USP54: variants seen among roughly 807,000 people sequenced by gnomAD.
USP54 encodes the protein ubiquitin specific peptidase 54.
A neutral mutation model predicts 170.5 loss-of-function variants in USP54; 87 were observed. The observed-to-expected ratio is 0.51, with a 90% CI of 0.43 to 0.61. The LOEUF is 0.61. Ranked by LOEUF, USP54 falls within the 20% of genes least tolerant of loss-of-function variation. The pLI, the probability that USP54 is intolerant of heterozygous loss-of-function variation, is 0.00. For synonymous variants in USP54, 655 were observed against 742.8 expected (o/e 0.88, Z 1.92); for missense variants, 1,786 against 2,047.8 (o/e 0.87, Z 2.47).
At chr10:73,575,484 T>C in intron 3 of USP54, 28 bp downstream of exon 3, 1 of 1,566,702 alleles carries the variant, frequency 6.4e-7, no homozygotes, top group South Asian at 1.2e-5. Flanking sequence ...AAGTCAAAGT[T>C]CACCAAAAAT....
chr10:73,594,134 G>C (rs963944979), upstream of USP54, among the ~76,000 whole-genome samples: 56 of 151,484 alleles, frequency 3.7e-4, no homozygotes, highest in African/African-American at 1.3e-3. Context: ...GCAGTGACAC[G>C]ATCTCGGTTC....
intron 1 of USP54, among the ~76,000 whole-genome samples, chr10:73,603,696 C>T (rs982000251): frequency 1.3e-5 from 2 of 150,432 alleles, no homozygotes; most frequent in Non-Finnish European, 3.0e-5. Context: ...GGCAGTGAGC[C>T]GAGATCACAC....
intron 1 of USP54, among the ~76,000 whole-genome samples, chr10:73,602,148 C>A (rs1235482942): frequency 2.0e-5 from 3 of 152,212 alleles, no homozygotes; most frequent in African/African-American, 4.8e-5. Context: ...CTCAGGTTTG[C>A]CCTCAGTTTT....
At chr10:73,610,085 T>G (rs1348609948) in intron 1 of USP54, among the ~76,000 whole-genome samples, 7 of 137,766 alleles carry the variant, frequency 5.1e-5, no homozygotes, top group Non-Finnish European at 3.2e-5. Context: ...GGCTGAGGCA[T>G]GAGAATCACT....
chr10:73,592,460 G>C (rs2078342769), upstream of USP54, among the ~76,000 whole-genome samples: 2 of 145,168 alleles, frequency 1.4e-5, no homozygotes, highest in South Asian at 4.3e-4. Flanking sequence ...TTGGCCACAA[G>C]GAAAGTGCCA....
chr10:73,533,555 A>T, intron 12 of USP54, among the ~76,000 whole-genome samples: 1 of 150,934 alleles, frequency 6.6e-6, no homozygotes, highest in African/African-American at 2.4e-5. Context: ...TGATATTTAA[A>T]AAAAAAAAAA....
At chr10:73,619,863 C>T (rs2080947194) in intron 1 of USP54, among the ~76,000 whole-genome samples, 1 of 150,516 alleles carries the variant, frequency 6.6e-6, no homozygotes, top group Admixed American at 6.6e-5. Flanking sequence ...AGCCTCTTGA[C>T]AAAACTGGTT....
At chr10:73,518,369 T>G (rs1304644315) in intron 19 of USP54, 1 of 400,624 alleles carries the variant, frequency 2.5e-6, no homozygotes, top group Non-Finnish European at 3.4e-6. Flanking sequence ...CTCTTGAGAT[T>G]TAGGAGTAGG....
intron 17 of USP54, among the ~76,000 whole-genome samples, 175 bp from the exon 18 acceptor site, chr10:73,521,202 T>G (rs945532001): frequency 1.3e-5 from 2 of 152,248 alleles, no homozygotes; most frequent in South Asian, 4.1e-4. Flanking sequence ...CCATTTTGCC[T>G]TAACCAAGAT....
Position 73,575,617 on chromosome 10 carries a change from A to C in USP54, c.42T>G (p.Ser14Arg). Residue 14 changes from serine to arginine, a missense_variant, in exon 3 of 24, where the codon AGT (serine) becomes AGG (arginine). This residue lies in a region of USP54 where 361 missense variants were observed against 455.0 expected (regional missense o/e 0.79). Transcript: ENST00000687698. The part of the protein sequence containing the change: ...KRNYFSGGRG[S>R]VQGMFAPRSS... ...TTCGAGGTGCAAACATCCCTTGTACACTACCACGACCCCCTGAAAAATAAT... is the reference window on the plus strand; with the variant it reads ...TTCGAGGTGCAAACATCCCTTGTACCCTACCACGACCCCCTGAAAAATAAT... 2 of 1,612,568 alleles carry C rather than the reference A, an allele frequency of 1.2e-6. No individual in the cohort carries two copies. The highest frequency in any genetic ancestry group is 1.7e-6 in the Non-Finnish European group (2 of 1,179,344).
At chr10:73,591,000 A>ATTT (rs201118539) in intron 1 of USP54, among the ~76,000 whole-genome samples, 43 of 150,086 alleles carry the variant, frequency 2.9e-4, no homozygotes, top group South Asian at 1.7e-3. Context: ...AAAATCTATG[A>ATTT]ATTTTTTTTT....
intron 15 of USP54, among the ~76,000 whole-genome samples, chr10:73,527,926 G>GT (rs1433698220): frequency 6.6e-6 from 1 of 150,694 alleles, no homozygotes; most frequent in African/African-American, 2.4e-5. Context: ...TATTACATAA[G>GT]TTTTAATTCA....
chr10:73,542,730 CAAAAAA>C, intron 7 of USP54, 67 bp downstream of exon 7: 1 of 1,191,320 alleles, frequency 8.4e-7, no homozygotes, highest in South Asian at 1.4e-5. Context: ...GACTCTGTCT[CAAAAAA>C]AAAAAAAAAA....
chr10:73,562,774 A>G (rs1417699353), intron 4 of USP54, among the ~76,000 whole-genome samples: 2 of 152,212 alleles, frequency 1.3e-5, no homozygotes, highest in African/African-American at 2.4e-5. Flanking sequence ...CTTCTGGCAC[A>G]TTATGTATCA....
At chr10:73,577,988 A>G (rs1374761873) in intron 1 of USP54, among the ~76,000 whole-genome samples, 1 of 152,190 alleles carries the variant, frequency 6.6e-6, no homozygotes, top group Non-Finnish European at 1.5e-5. Context: ...CTTTGCTCAC[A>G]GCCAAAAGGA....
chr10:73,592,883 T>C (rs191939641), upstream of USP54, among the ~76,000 whole-genome samples: 1 of 152,336 alleles, frequency 6.6e-6, no homozygotes, highest in Admixed American at 6.5e-5. Context: ...AACTCTGCTA[T>C]GATACTCACA....
chr10:73,548,847 C>T (rs1442579130), intron 4 of USP54, among the ~76,000 whole-genome samples: 1 of 152,126 alleles, frequency 6.6e-6, no homozygotes, highest in African/African-American at 2.4e-5. Flanking sequence ...ACGTTGTGCA[C>T]ATGTACCCTA....
intron 20 of USP54, among the ~76,000 whole-genome samples, chr10:73,514,084 T>C (rs978285232): frequency 3.3e-5 from 5 of 152,290 alleles, no homozygotes; most frequent in African/African-American, 1.2e-4. Context: ...CCCAAAATGC[T>C]GGGATCACAG....
At chr10:73,602,969 T>C (rs2079316115) in intron 1 of USP54, among the ~76,000 whole-genome samples, 1 of 152,026 alleles carries the variant, frequency 6.6e-6, no homozygotes, top group Admixed American at 6.6e-5. Context: ...ACCTATTATG[T>C]GCAAGTATCT....
Sources: allele counts gnomAD v4.1 joint callset (sites outside exome capture counted in the v4.1 genomes callset), GRCh38; gene constraint gnomAD v4.1.1; regional missense constraint gnomAD v4.1.1; transcripts MANE v1.5; gene names NCBI Gene and HGNC (gene_info 2026-07-23, HGNC 2026-07-21).